The following DLG2 variants were observed in gnomAD, a reference collection of about 807,000 sequenced individuals.
The protein encoded by DLG2 is discs large MAGUK scaffold protein 2.
Under a neutral mutation model 132.5 loss-of-function variants are expected in DLG2, and 45 were observed. That is an observed-to-expected ratio of 0.34 (90% confidence interval 0.27 to 0.44). The LOEUF (loss-of-function observed/expected upper bound fraction) is 0.44, where lower values mean the gene tolerates loss of function less well. Among genes scored for constraint, DLG2 ranks in the 20% least tolerant of loss-of-function variants. The pLI, the probability that DLG2 is intolerant of heterozygous loss-of-function variation, is 1.00. For synonymous variants in DLG2, 424 were observed against 419.6 expected (o/e 1.01, Z -0.13); for missense variants, 1,045 against 1,196.9 (o/e 0.87, Z 1.87).
At chr11:83,945,418 T>C (rs939625952) in intron 14 of DLG2, among the ~76,000 whole-genome samples, 1 of 152,170 alleles carries the variant, frequency 6.6e-6, no homozygotes, top group Non-Finnish European at 1.5e-5. Context: ...AGATCTGTAA[T>C]ACAGAAGAAA....
intron 3 of DLG2, among the ~76,000 whole-genome samples, chr11:85,400,051 C>A: frequency 6.6e-6 from 1 of 151,638 alleles, no homozygotes; most frequent in East Asian, 1.9e-4. Context: ...GGGCTAATAT[C>A]CAGAATCTAC....
In DLG2 at chr11:84,454,709, T is replaced by G. The variant is rs1001564089; in HGVS notation, c.519+79861A>C. On this transcript the variant is annotated intron_variant, in intron 7 of 27. Coordinates refer to ENST00000376104, the MANE Select transcript of DLG2 (RefSeq NM_001142699.3). ...AAAGCATGGACAAATCTCCAAATAA[T>G]CCAGCTGAGAAAATAAGCCAAATAA... Among the ~76,000 whole-genome samples, 3 of 151,390 alleles carry G rather than the reference T, an allele frequency of 2.0e-5. No homozygotes were observed. The Admixed American group carries it at 2.0e-4, about 10-fold the overall frequency.
At chr11:84,860,643 T>A (rs1203230808) in intron 6 of DLG2, among the ~76,000 whole-genome samples, 1 of 152,054 alleles carries the variant, frequency 6.6e-6, no homozygotes, top group Non-Finnish European at 1.5e-5. Context: ...AAAATAATAA[T>A]AAAGGACACC....
intron 11 of DLG2, among the ~76,000 whole-genome samples, chr11:84,001,432 T>G (rs1041830932): frequency 6.6e-6 from 1 of 151,876 alleles, no homozygotes; most frequent in African/African-American, 2.4e-5. Flanking sequence ...CACCCAGCAC[T>G]GGATCACCCA....
intron 6 of DLG2, among the ~76,000 whole-genome samples, chr11:84,850,139 T>C (rs941329667): frequency 6.6e-6 from 1 of 152,146 alleles, no homozygotes; most frequent in African/African-American, 2.4e-5. Flanking sequence ...TCATTCTATC[T>C]GCCACACACT....
chr11:84,849,420 C>T (rs942594232), intron 6 of DLG2, among the ~76,000 whole-genome samples: 1 of 152,132 alleles, frequency 6.6e-6, no homozygotes, highest in African/African-American at 2.4e-5. Flanking sequence ...TTAAGTTCCT[C>T]CATAATACTT....
chr11:85,070,063 A>G (rs1429436433), intron 6 of DLG2, among the ~76,000 whole-genome samples: 1 of 151,970 alleles, frequency 6.6e-6, no homozygotes, highest in Admixed American at 6.6e-5. Context: ...ACAAAAAACC[A>G]AACACCGCAT....
At chr11:83,494,514 C>T (rs1395603096) in intron 21 of DLG2, among the ~76,000 whole-genome samples, 2 of 151,530 alleles carry the variant, frequency 1.3e-5, no homozygotes, top group African/African-American at 2.4e-5. Context: ...GGAACAACTA[C>T]CATGTTTATG....
chr11:84,950,700 T>C (rs986956752), intron 6 of DLG2, among the ~76,000 whole-genome samples: 43 of 151,830 alleles, frequency 2.8e-4, no homozygotes, highest in African/African-American at 1.0e-3. Flanking sequence ...CCCTTGCATA[T>C]AGTCATAAGC....
intron 17 of DLG2, among the ~76,000 whole-genome samples, chr11:83,832,824 G>T (rs1481617956): frequency 1.3e-5 from 2 of 152,224 alleles, no homozygotes; most frequent in Admixed American, 6.5e-5. Flanking sequence ...CTTGAATTTA[G>T]TTGAATGGTG....
At chr11:84,974,118 GT>G (rs1346028701) in intron 6 of DLG2, among the ~76,000 whole-genome samples, 3 of 152,192 alleles carry the variant, frequency 2.0e-5, no homozygotes, top group Admixed American at 2.0e-4. Flanking sequence ...AAGGGTGCAG[GT>G]TGGTCCAAGG....
At chr11:84,740,041 G>T (rs1304553639) in intron 6 of DLG2, among the ~76,000 whole-genome samples, 2 of 151,698 alleles carry the variant, frequency 1.3e-5, no homozygotes, top group East Asian at 1.9e-4. Flanking sequence ...TTACCCTAAC[G>T]TTCAGAAATT....
intron 4 of DLG2, among the ~76,000 whole-genome samples, chr11:85,219,317 G>A (rs1595479290): frequency 6.6e-6 from 1 of 152,076 alleles, no homozygotes; most frequent in South Asian, 2.1e-4. Context: ...CTCCACTTCT[G>A]TGTTCTCTGA....
At chr11:83,517,308 C>T (rs552397686) in intron 21 of DLG2, among the ~76,000 whole-genome samples, 39 of 152,248 alleles carry the variant, frequency 2.6e-4, no homozygotes, top group African/African-American at 8.7e-4. Flanking sequence ...TCTAGTTGAT[C>T]GAATTGGCTA....
At chr11:84,876,440 A>G (rs1652219551) in intron 6 of DLG2, among the ~76,000 whole-genome samples, 1 of 151,870 alleles carries the variant, frequency 6.6e-6, no homozygotes, top group Admixed American at 6.6e-5. Context: ...GAATTTATCT[A>G]TTTCTTCTAG....
rs561657640 is a variant in DLG2, at chr11:84,063,885, A to T, written c.750-4401T>A. On this transcript the variant is annotated intron_variant, in intron 10 of 27. Coordinates refer to ENST00000376104, the MANE Select transcript of DLG2 (RefSeq NM_001142699.3). The stretch of plus-strand genomic sequence containing the variant: ...AGGACCAAAAACCAAACACTGCATG[A>T]TCTCACTCATAGGTGGGAATTGAAC... 6.2e-3 allele frequency among the ~76,000 whole-genome samples: 936 copies of T among 149,908 alleles called. 10 individuals carry two copies. The highest frequency in any genetic ancestry group is 0.022 in the African/African-American group (884 of 40,704).
At chr11:83,643,879 C>T (rs1056995661) in intron 18 of DLG2, among the ~76,000 whole-genome samples, 2 of 151,386 alleles carry the variant, frequency 1.3e-5, no homozygotes, top group Non-Finnish European at 2.9e-5. Flanking sequence ...AGACTTTGTT[C>T]TACAAGTGAC....
At chr11:84,646,134 C>A (rs2099674627) in intron 6 of DLG2, among the ~76,000 whole-genome samples, 1 of 152,064 alleles carries the variant, frequency 6.6e-6, no homozygotes, top group Admixed American at 6.6e-5. Flanking sequence ...GGTGGGGGTG[C>A]GGCTGTATTC....
intron 21 of DLG2, among the ~76,000 whole-genome samples, chr11:83,517,234 T>A (rs1299517959): frequency 6.6e-6 from 1 of 152,226 alleles, no homozygotes; most frequent in African/African-American, 2.4e-5. Flanking sequence ...TTTTTATTCT[T>A]TTTTCTCTAA....
Sources: gnomAD v4.1 joint callset for allele counts (sites outside exome capture counted in the v4.1 genomes callset) on GRCh38, gnomAD v4.1.1 for gene constraint, MANE v1.5 for transcripts, NCBI Gene and HGNC (gene_info 2026-07-23, HGNC 2026-07-21) for gene names.